FGF12: variants seen among roughly 807,000 people sequenced by gnomAD.
FGF12 encodes the protein fibroblast growth factor 12.
A neutral mutation model predicts 23.6 loss-of-function variants in FGF12; 14 were observed. The ratio of observed to expected loss-of-function variants is 0.59; its 90% CI spans 0.39 to 0.93. FGF12 has a LOEUF of 0.93. Among genes scored for constraint, FGF12 ranks in the 40% least tolerant of loss-of-function variants. The probability of loss-of-function intolerance (pLI) is 0.00; values close to 1 mark genes in which losing one functional copy is unlikely to be tolerated. For missense variants in FGF12, 175 were observed against 217.8 expected (o/e 0.80, Z 1.24); for synonymous variants, 62 against 77.3 (o/e 0.80, Z 1.04).
chr3:192,557,460 C>A (rs1711834882), intron 2 of FGF12, among the ~76,000 whole-genome samples: 1 of 151,810 alleles, frequency 6.6e-6, no homozygotes, highest in Non-Finnish European at 1.5e-5. Flanking sequence ...TAGATGGCTT[C>A]ATTTATGAAT....
At chr3:192,506,553 G>T (rs1724305437) in intron 2 of FGF12, among the ~76,000 whole-genome samples, 1 of 152,028 alleles carries the variant, frequency 6.6e-6, no homozygotes, top group Non-Finnish European at 1.5e-5. Flanking sequence ...TGTATTTTTA[G>T]TAGAGATGGG....
chr3:192,672,165 T>A (rs1300476844), intron 2 of FGF12, among the ~76,000 whole-genome samples: 1 of 138,950 alleles, frequency 7.2e-6, no homozygotes, highest in Non-Finnish European at 1.7e-5. Context: ...ATGTGTTTCA[T>A]AGAATCTCAT....
rs1220978034 is a variant in FGF12, at chr3:192,190,026, T to C, written c.229-19370A>G. On this transcript the variant is annotated intron_variant, in intron 4 of 5. Transcript: ENST00000445105. ...CCACTTTTTAATGGATCAGGACAAA[T>C]TGAAAAAAGCATGGAAGCACTTAAG... Among the ~76,000 whole-genome samples, 6 of 152,244 alleles carry C rather than the reference T, an allele frequency of 3.9e-5. No individual in the cohort carries two copies. In the South Asian group the frequency reaches 1.2e-3, roughly 32 times the overall value.
At chr3:192,700,592 A>G (rs1276253454) in intron 2 of FGF12, among the ~76,000 whole-genome samples, 1 of 152,208 alleles carries the variant, frequency 6.6e-6, no homozygotes, top group African/African-American at 2.4e-5. Context: ...TGAGGCCACA[A>G]AAGAGTCAAA....
chr3:192,599,269 A>AATT, intron 2 of FGF12, among the ~76,000 whole-genome samples: 1 of 148,094 alleles, frequency 6.8e-6, no homozygotes, highest in Non-Finnish European at 1.5e-5. Flanking sequence ...TAATAATAAT[A>AATT]ATAATAATAA....
At chr3:192,311,276 C>A (rs573308088) in intron 4 of FGF12, among the ~76,000 whole-genome samples, 1 of 152,222 alleles carries the variant, frequency 6.6e-6, no homozygotes, top group Admixed American at 6.5e-5. Context: ...ACAAAGCAAC[C>A]CCACACCCTT....
At chr3:192,234,190 A>G (rs753834579) in intron 4 of FGF12, among the ~76,000 whole-genome samples, 1 of 152,128 alleles carries the variant, frequency 6.6e-6, no homozygotes, top group African/African-American at 2.4e-5. Flanking sequence ...GTCCATGGGC[A>G]TTGAATGTTT....
chr3:192,366,740 T>G (rs1204326198), intron 2 of FGF12, among the ~76,000 whole-genome samples: 1 of 152,008 alleles, frequency 6.6e-6, no homozygotes, highest in African/African-American at 2.4e-5. Flanking sequence ...AATGGCTGAA[T>G]TAACAGTGGC....
intron 5 of FGF12, among the ~76,000 whole-genome samples, chr3:192,156,624 G>A (rs1235858828): frequency 6.6e-6 from 1 of 152,066 alleles, no homozygotes; most frequent in Non-Finnish European, 1.5e-5. Flanking sequence ...CTTTCATCTG[G>A]CTTTTCTGGG....
At chr3:192,584,087 C>T (rs1461174902) in intron 2 of FGF12, among the ~76,000 whole-genome samples, 3 of 152,214 alleles carry the variant, frequency 2.0e-5, no homozygotes, top group Non-Finnish European at 4.4e-5. Context: ...GAACTGGCTT[C>T]ATCCCACACC....
chr3:192,534,936 T>C (rs1298772404), intron 2 of FGF12, among the ~76,000 whole-genome samples: 1 of 152,188 alleles, frequency 6.6e-6, no homozygotes, highest in African/African-American at 2.4e-5. Context: ...GATACTTTGA[T>C]TTTAAGTCTA....
chr3:192,144,697 TTCA>T (rs1476879975), intron 5 of FGF12, among the ~76,000 whole-genome samples: 1 of 152,204 alleles, frequency 6.6e-6, no homozygotes, highest in African/African-American at 2.4e-5. Context: ...TTTGTAGTTT[TTCA>T]TCAATAGGGA....
intron 2 of FGF12, among the ~76,000 whole-genome samples, chr3:192,510,382 A>G (rs1401312884): frequency 6.6e-6 from 1 of 152,232 alleles, no homozygotes; most frequent in African/African-American, 2.4e-5. Flanking sequence ...AAGATATTCA[A>G]TATCATATGT....
rs1187685978 is a variant in FGF12, at chr3:192,591,780, T to G, written c.13+135401A>C. 2.0e-5 allele frequency among the ~76,000 whole-genome samples: 3 copies of G among 151,944 alleles called. No individual in the cohort carries two copies. The East Asian group carries it at 5.8e-4, about 29-fold the overall frequency. On this transcript the variant is annotated intron_variant, in intron 2 of 5. Transcript: ENST00000445105. Reference sequence around the variant, plus strand: ...TTAGAATTAAAGGAACTGTAATTATTTTCTGCACAAGCCCTTCACGTTATA... The same window carrying G: ...TTAGAATTAAAGGAACTGTAATTATGTTCTGCACAAGCCCTTCACGTTATA...
At chr3:192,665,023 T>C (rs575195816) in intron 2 of FGF12, among the ~76,000 whole-genome samples, 2 of 152,328 alleles carry the variant, frequency 1.3e-5, no homozygotes, top group Non-Finnish European at 2.9e-5. Context: ...AGATTTTTAG[T>C]GCATTAATCC....
chr3:192,699,843 T>G (rs1718237579), intron 2 of FGF12, among the ~76,000 whole-genome samples: 1 of 152,202 alleles, frequency 6.6e-6, no homozygotes, highest in Non-Finnish European at 1.5e-5. Flanking sequence ...GAGCTTCTAG[T>G]TCCTCATCTT....
At position 192,511,866 on chromosome 3, in the gene FGF12, CAA is replaced by C. The variant is rs1187948283; in HGVS notation, c.14-151330_14-151329del. Among the ~76,000 whole-genome samples, 6 of 152,134 alleles carry C rather than the reference CAA, an allele frequency of 3.9e-5. No individual in the cohort carries two copies. In the East Asian group the frequency reaches 1.2e-3, roughly 29 times the overall value. ...AAACTAATATGATGGATAAACTAGA[CAA>C]GACATTCATATCTGATAATGTAGAG... is the stretch of plus-strand genomic sequence containing the variant. On this transcript the variant is annotated intron_variant, in intron 2 of 5. Transcript: ENST00000445105.
rs114308315 is a variant in FGF12 at position 192,444,616 on chromosome 3, C to T, written c.14-84078G>A. On this transcript the variant is annotated intron_variant, in intron 2 of 5. Transcript: ENST00000445105. Reference sequence around the variant, plus strand: ...GCCTATGCCATAATGCTGACAGGATCTCCCCAGATTCTCTCAGCTTCTAGA... The same window carrying T: ...GCCTATGCCATAATGCTGACAGGATTTCCCCAGATTCTCTCAGCTTCTAGA... 6.0e-3 allele frequency among the ~76,000 whole-genome samples: 909 copies of T among 152,290 alleles called. 9 individuals are homozygous for T. The highest frequency in any genetic ancestry group is 0.021 in the African/African-American group (872 of 41,562).
chr3:192,488,069 T>C (rs1181766378), intron 2 of FGF12, among the ~76,000 whole-genome samples: 2 of 152,088 alleles, frequency 1.3e-5, no homozygotes, highest in African/African-American at 4.8e-5. Flanking sequence ...CTATATCACT[T>C]TCTTCTCCAA....
Sources: allele counts gnomAD v4.1 joint callset (sites outside exome capture counted in the v4.1 genomes callset), GRCh38; gene constraint gnomAD v4.1.1; transcripts MANE v1.5; gene names NCBI Gene and HGNC (gene_info 2026-07-23, HGNC 2026-07-21).